Variants in GAS7 observed in about 807,000 individuals in gnomAD.
GAS7 encodes the protein growth arrest-specific protein 7.
In GAS7, 28 loss-of-function variants were observed where a neutral mutation model predicts 71.1. The observed-to-expected ratio is 0.39, with a 90% CI of 0.29 to 0.54. GAS7 has a LOEUF of 0.54. Ranked by LOEUF, GAS7 falls within the 20% of genes least tolerant of loss-of-function variation. GAS7 has a pLI of 0.62. For missense variants in GAS7, 436 were observed against 627.8 expected, an observed-to-expected ratio of 0.69 and a Z score of 3.27; for synonymous variants, 258 against 245.8, an observed-to-expected ratio of 1.05 and a Z score of -0.46.
At chr17:10,125,385 TGTGC>T (rs1372977226) in intron 1 of GAS7, among the ~76,000 whole-genome samples, 1 of 151,672 alleles carries the variant, frequency 6.6e-6, no homozygotes, top group African/African-American at 2.4e-5. Context: ...GGTGTGATGG[TGTGC>T]ACCTGTAATC....
chr17:9,936,256 C>T (rs565067819), intron 8 of GAS7, among the ~76,000 whole-genome samples: 1 of 152,288 alleles, frequency 6.6e-6, no homozygotes, highest in Admixed American at 6.5e-5. Context: ...TTTGCCCCTG[C>T]AGCTGAGCCA....
At chr17:10,020,031 G>A in intron 1 of GAS7, 134 bp from the exon 2 acceptor site, 1 of 817,514 alleles carries the variant, frequency 1.2e-6, no homozygotes, top group East Asian at 2.5e-5. Flanking sequence ...AAACCCCTGA[G>A]GTCAGAGGCA....
intron 11 of GAS7, among the ~76,000 whole-genome samples, chr17:9,921,771 A>G (rs1386901748): frequency 6.6e-6 from 1 of 151,982 alleles, no homozygotes; most frequent in Non-Finnish European, 1.5e-5. Flanking sequence ...CATCCTGGCT[A>G]ACACGGTGAA....
chr17:10,050,553 G>A (rs2073049008), intron 1 of GAS7, among the ~76,000 whole-genome samples: 1 of 152,052 alleles, frequency 6.6e-6, no homozygotes, highest in Non-Finnish European at 1.5e-5. Context: ...TGGTCAGATG[G>A]CACAGCAGAA....
chr17:10,081,913 G>A (rs1355302750), intron 1 of GAS7, among the ~76,000 whole-genome samples: 1 of 152,146 alleles, frequency 6.6e-6, no homozygotes, highest in Admixed American at 6.5e-5. Flanking sequence ...TAGGTATATG[G>A]ACCCAAGAAA....
At chr17:10,174,430 C>T (rs1184339647) in intron 1 of GAS7, among the ~76,000 whole-genome samples, 3 of 152,168 alleles carry the variant, frequency 2.0e-5, no homozygotes, top group Admixed American at 1.3e-4. Context: ...CGGTGGCTCA[C>T]ATCTATAATC....
chr17:10,070,644 G>A (rs1053428936), intron 1 of GAS7, among the ~76,000 whole-genome samples: 44 of 152,066 alleles, frequency 2.9e-4, no homozygotes, highest in Admixed American at 2.7e-3. Flanking sequence ...GATCACAGGC[G>A]TGAGCCACTG....
In GAS7 at chr17:10,034,220, G is replaced by A. The variant is rs980637003; in HGVS notation, c.184-14323C>T. ...CAACCTCTTCCATCTCTGCTGGGAG[G>A]CCTCAATTGCTTCATCTCTAAAACA... On this transcript the variant is annotated intron_variant, in intron 1 of 13. Coordinates refer to ENST00000432992, the MANE Select transcript of GAS7 (RefSeq NM_201433.2). The surrounding 1 kb of genome is among the most constrained non-coding windows in gnomAD (Gnocchi z 4.4). 4.1e-6 allele frequency: 4 copies of A among 984,882 alleles called. No homozygotes were observed. Among genetic ancestry groups the A allele is most frequent in the Admixed American group, 6.2e-5 (1 of 16,256 alleles). 61.0% of individuals were successfully genotyped at this position (984,882 alleles called of 1,614,324 possible).
rs573899316 is a variant in GAS7 at position 10,150,260 on chromosome 17, T to C, written c.183+47948A>G. Reference sequence around the variant, plus strand: ...AGGAAGTGTGGTTGTGACATTTACGTTGATTTCATCTGACCTCCAACCTCA... The same window carrying C: ...AGGAAGTGTGGTTGTGACATTTACGCTGATTTCATCTGACCTCCAACCTCA... On this transcript the variant is annotated intron_variant, in intron 1 of 13. Transcript: ENST00000432992. Among the ~76,000 whole-genome samples, 44 of 152,342 alleles carry C rather than the reference T, an allele frequency of 2.9e-4. 1 individual carries two copies. The South Asian group carries it at 8.9e-3, about 31-fold the overall frequency.
At chr17:10,041,126 C>T (rs2072857076) in intron 1 of GAS7, among the ~76,000 whole-genome samples, 1 of 147,198 alleles carries the variant, frequency 6.8e-6, no homozygotes, top group African/African-American at 2.5e-5. Context: ...CGTGCAGCTG[C>T]ACTCCGGCCT....
intron 2 of GAS7, among the ~76,000 whole-genome samples, chr17:10,015,574 G>T (rs550179463): frequency 1.9e-4 from 29 of 152,186 alleles, no homozygotes; most frequent in Non-Finnish European, 4.1e-4. Context: ...TATTCTCATA[G>T]ATGCCTTCCT....
chr17:9,978,839 T>C (rs2070304541), intron 3 of GAS7, among the ~76,000 whole-genome samples: 1 of 152,144 alleles, frequency 6.6e-6, no homozygotes, highest in African/African-American at 2.4e-5. Context: ...CTGGGAACCC[T>C]TGAGCAGCGC....
chr17:9,967,477 T>C (rs960122145), intron 4 of GAS7, among the ~76,000 whole-genome samples: 12 of 152,278 alleles, frequency 7.9e-5, no homozygotes, highest in Non-Finnish European at 1.6e-4. Context: ...AAGTCCCAAT[T>C]GATAGCCATG....
chr17:9,975,806 C>T lies in GAS7; in HGVS notation c.385+5998G>A, dbSNP rs16959167. 6.6e-3 allele frequency among the ~76,000 whole-genome samples: 1,011 copies of T among 152,326 alleles called. 7 individuals carry two copies. The highest frequency in any genetic ancestry group is 0.023 in the African/African-American group (959 of 41,572). ...TCTCAAACAAGGCAACAGCATGCAG[C>T]ATCCTTCCGCGCACACAGACGCAGA... is the stretch of plus-strand genomic sequence containing the variant. On this transcript the variant is annotated intron_variant, in intron 3 of 13. Coordinates refer to ENST00000432992, the MANE Select transcript of GAS7 (RefSeq NM_201433.2).
chr17:9,992,437 C>T (rs77728770), intron 2 of GAS7, among the ~76,000 whole-genome samples: 2 of 152,032 alleles, frequency 1.3e-5, no homozygotes, highest in Admixed American at 1.3e-4. Context: ...GGCACAAAAG[C>T]AGTGAGTGCT....
At chr17:10,074,567 G>A (rs1251801838) in intron 1 of GAS7, among the ~76,000 whole-genome samples, 1 of 152,108 alleles carries the variant, frequency 6.6e-6, no homozygotes, top group African/African-American at 2.4e-5. Context: ...AATTTTCCAG[G>A]AAAATAAAAA....
At chr17:10,185,109 A>G (rs2142147397) in intron 1 of GAS7, among the ~76,000 whole-genome samples, 1 of 152,206 alleles carries the variant, frequency 6.6e-6, no homozygotes, top group African/African-American at 2.4e-5. Context: ...TATTTTTAGT[A>G]GAGACGGGGT....
rs1378110782 is a variant in GAS7 at position 9,915,877 on chromosome 17, A to C, written c.*1351T>G. The C allele has an allele frequency of 4.3e-6, 1 of 231,892 alleles. No homozygotes were observed. The allele number at this position is 231,892 out of a possible 1,614,324, so 14.4% of individuals were successfully genotyped here. A position where few individuals can be genotyped will look rare whatever the true frequency, so the allele number is the denominator to read the frequency against. ...AGAATGTGTTTGCTGTGGTAGAGAA[A>C]GGGAGAAAGTAATGAGCTGGGCCAA... On this transcript the variant is annotated 3_prime_UTR_variant, in exon 14 of 14. Coordinates refer to ENST00000432992, the MANE Select transcript of GAS7 (RefSeq NM_201433.2).
At position 9,969,025 on chromosome 17, in the gene GAS7, G is replaced by A. The variant is rs181830651; in HGVS notation, c.471+652C>T. Among the ~76,000 whole-genome samples the A allele has an allele frequency of 3.5e-4, 53 of 152,304 alleles. 1 individual carries two copies. The East Asian group carries it at 9.9e-3, about 28-fold the overall frequency. ...ACAGCTTCACGCAACTAGAAAAGCC[G>A]TAAGCACTGACATCAAGGTCCAGTC... On this transcript the variant is annotated intron_variant, in intron 4 of 13. Coordinates refer to ENST00000432992, the MANE Select transcript of GAS7 (RefSeq NM_201433.2). This position sits in a 1 kb window ranked among gnomAD's most constrained non-coding sequence, Gnocchi z 5.5.
Sources: gnomAD v4.1 joint callset for allele counts (sites outside exome capture counted in the v4.1 genomes callset) on GRCh38, gnomAD v4.1.1 for gene constraint, Gnocchi (gnomAD v3.1) non-coding constraint, MANE v1.5 for transcripts, NCBI Gene and HGNC (gene_info 2026-07-23, HGNC 2026-07-21) for gene names.